Variants in PPM1E observed in about 807,000 individuals in gnomAD.
PPM1E encodes the protein protein phosphatase, Mg2+/Mn2+ dependent 1E.
Under a neutral mutation model 65.9 loss-of-function variants are expected in PPM1E, and 20 were observed. The ratio of observed to expected loss-of-function variants is 0.30; its 90% confidence interval spans 0.21 to 0.44. The LOEUF (loss-of-function observed/expected upper bound fraction) is 0.44, where lower values mean the gene tolerates loss of function less well. Ranked by LOEUF, PPM1E falls within the 20% of genes least tolerant of loss-of-function variation. The pLI, the probability that PPM1E is intolerant of heterozygous loss-of-function variation, is 1.00. For missense variants in PPM1E, 713 were observed against 953.1 expected (o/e 0.75, Z 3.32); for synonymous variants, 352 against 374.9 (o/e 0.94, Z 0.70).
intron 1 of PPM1E, among the ~76,000 whole-genome samples, chr17:58,877,173 GT>G (rs2051137596): frequency 6.6e-6 from 1 of 152,134 alleles, no homozygotes; most frequent in Non-Finnish European, 1.5e-5. Context: ...GACATAAAAT[GT>G]TTTGCTTTAA....
chr17:58,790,896 T>TC (rs2050151281), intron 1 of PPM1E, among the ~76,000 whole-genome samples: 1 of 149,882 alleles, frequency 6.7e-6, no homozygotes, highest in East Asian at 2.0e-4. Flanking sequence ...GATAATAAAT[T>TC]TTTTTTTTTT....
At chr17:58,954,086 A>G in intron 1 of PPM1E, among the ~76,000 whole-genome samples, 1 of 152,080 alleles carries the variant, frequency 6.6e-6, no homozygotes, top group East Asian at 1.9e-4. Context: ...CTTGATTTCT[A>G]CTTTACCCCA....
At chr17:58,903,922 A>G (rs1197123065) in intron 1 of PPM1E, among the ~76,000 whole-genome samples, 1 of 152,220 alleles carries the variant, frequency 6.6e-6, no homozygotes, top group Non-Finnish European at 1.5e-5. Context: ...AGGACTTTCA[A>G]TAGACACTAA....
intron 1 of PPM1E, among the ~76,000 whole-genome samples, chr17:58,766,358 C>T (rs553808168): frequency 1.4e-4 from 21 of 151,680 alleles, no homozygotes; most frequent in African/African-American, 4.3e-4. Flanking sequence ...CGGGCCACCA[C>T]ACCTGGCTAA....
At chr17:58,978,381 C>T (rs1378611916) in intron 6 of PPM1E, among the ~76,000 whole-genome samples, 1 of 152,044 alleles carries the variant, frequency 6.6e-6, no homozygotes, top group Non-Finnish European at 1.5e-5. Context: ...TTGCTCAGTA[C>T]CCTGTGTGTG....
intron 1 of PPM1E, among the ~76,000 whole-genome samples, chr17:58,808,098 T>C (rs2050332135): frequency 6.6e-6 from 1 of 152,256 alleles, no homozygotes; most frequent in Non-Finnish European, 1.5e-5. Flanking sequence ...TGATTGTTAA[T>C]ATCACATTTA....
chr17:58,788,535 A>G, intron 1 of PPM1E, among the ~76,000 whole-genome samples: 1 of 152,202 alleles, frequency 6.6e-6, no homozygotes, highest in South Asian at 2.1e-4. Flanking sequence ...ATGAAATGCC[A>G]ATTCCCTGAA....
chr17:58,887,162 C>CTTTTTTTTTTTTTTTTTTT (rs71143300), intron 1 of PPM1E, among the ~76,000 whole-genome samples: 1 of 111,700 alleles, frequency 9.0e-6, no homozygotes. Context: ...AGGCCTTCTT[C>CTTTTTTTTTTTTTTTTTTT]TTTTTTTTTT....
At chr17:58,947,701 T>A (rs1341389248) in intron 1 of PPM1E, among the ~76,000 whole-genome samples, 3 of 152,144 alleles carry the variant, frequency 2.0e-5, no homozygotes, top group African/African-American at 2.4e-5. Context: ...AAATATTGGG[T>A]TTTCAGTTAT....
intron 1 of PPM1E, among the ~76,000 whole-genome samples, chr17:58,844,294 A>T: frequency 6.6e-6 from 1 of 152,294 alleles, no homozygotes; most frequent in East Asian, 1.9e-4. Context: ...GTATAAAAAA[A>T]ATTATAACTA....
At chr17:58,773,578 G>C (rs918189083) in intron 1 of PPM1E, among the ~76,000 whole-genome samples, 1 of 152,064 alleles carries the variant, frequency 6.6e-6, no homozygotes. Flanking sequence ...TCATTTATAT[G>C]CATTTCTTAT....
intron 1 of PPM1E, among the ~76,000 whole-genome samples, chr17:58,810,575 G>A (rs1450310900): frequency 6.6e-6 from 1 of 152,082 alleles, no homozygotes; most frequent in African/African-American, 2.4e-5. Context: ...GTTAAGATTG[G>A]TCCAAAAGTT....
rs114828829 is a variant in PPM1E, at chr17:58,933,113, A to G, written c.465-22536A>G. Among the ~76,000 whole-genome samples the G allele has an allele frequency of 2.5e-3, 377 of 152,306 alleles. 3 individuals are homozygous for G. Among genetic ancestry groups the G allele is most frequent in the African/African-American group, 8.8e-3 (364 of 41,568 alleles). ...CTATACCATCTGGGTTTATATGAGT[A>G]TGCTCTATGATGTTTGCACAATGAC... On this transcript the variant is annotated intron_variant, in intron 1 of 6. Transcript: ENST00000308249.
intron 1 of PPM1E, among the ~76,000 whole-genome samples, chr17:58,792,208 C>T (rs1156284803): frequency 1.3e-5 from 2 of 150,218 alleles, no homozygotes; most frequent in Non-Finnish European, 3.0e-5. Context: ...CAGGACATGA[C>T]TTTTGTCATA....
At chr17:58,802,653 C>T (rs1321938656) in intron 1 of PPM1E, among the ~76,000 whole-genome samples, 2 of 152,046 alleles carry the variant, frequency 1.3e-5, no homozygotes, top group South Asian at 2.1e-4. Flanking sequence ...TAACAATATT[C>T]TTCCAATCCA....
At chr17:58,824,675 G>A (rs145723308) in intron 1 of PPM1E, among the ~76,000 whole-genome samples, 172 of 150,950 alleles carry the variant, frequency 1.1e-3, no homozygotes, top group Admixed American at 3.8e-3. Flanking sequence ...TGCAAGCTCC[G>A]TCTCCCGGGT....
At chr17:58,873,031 C>T (rs899319477) in intron 1 of PPM1E, among the ~76,000 whole-genome samples, 5 of 152,174 alleles carry the variant, frequency 3.3e-5, no homozygotes, top group African/African-American at 1.2e-4. Flanking sequence ...GTCATAGAAC[C>T]ACATTCCTCT....
intron 1 of PPM1E, among the ~76,000 whole-genome samples, chr17:58,909,990 C>T (rs1233157593): frequency 1.4e-5 from 2 of 139,018 alleles, no homozygotes; most frequent in African/African-American, 2.7e-5. Flanking sequence ...GCAAACTCCA[C>T]CTCCTGGATT....
chr17:58,887,367 A>G (rs1156336479), intron 1 of PPM1E, among the ~76,000 whole-genome samples: 2 of 151,978 alleles, frequency 1.3e-5, no homozygotes, highest in Non-Finnish European at 2.9e-5. Context: ...GGGTTTCTCC[A>G]TGTTGGTCAG....
Sources: gnomAD v4.1 joint callset for allele counts (sites outside exome capture counted in the v4.1 genomes callset) on GRCh38, gnomAD v4.1.1 for gene constraint, MANE v1.5 for transcripts, NCBI Gene and HGNC (gene_info 2026-07-23, HGNC 2026-07-21) for gene names.